The following RANBP2 variants were observed in gnomAD, a reference collection of about 807,000 sequenced individuals.
RANBP2 encodes the protein E3 SUMO-protein ligase RanBP2.
In RANBP2, 57 loss-of-function variants were observed where a neutral mutation model predicts 303.6. That is an observed-to-expected ratio of 0.19 (90% CI 0.15 to 0.23). RANBP2 has a LOEUF of 0.23. RANBP2 is among the 10% of genes least tolerant of loss of function. The probability of loss-of-function intolerance (pLI) is 1.00; values close to 1 mark genes in which losing one functional copy is unlikely to be tolerated. For missense variants in RANBP2, 3,138 were observed against 3,780.8 expected (o/e 0.83, Z 4.46); for synonymous variants, 1,167 against 1,301.5 (o/e 0.90, Z 2.23).
the RANBP2 span, among the ~76,000 whole-genome samples, chr2:109,010,198 C>T: frequency 7.0e-4 from 106 of 152,174 alleles, 1 homozygote; most frequent in Admixed American, 6.5e-3. Context: ...ACTTTTTAGC[C>T]GATGATTATG....
intron 1 of RANBP2, 143 bp downstream of exon 1, chr2:108,719,821 G>T (rs1694070711): frequency 6.9e-7 from 1 of 1,447,934 alleles, no homozygotes; most frequent in Admixed American, 2.8e-5. Context: ...CCTGTGGGCG[G>T]CGTGGCGCTT....
chr2:109,654,796 G>A, the RANBP2 span, among the ~76,000 whole-genome samples: 1 of 152,164 alleles, frequency 6.6e-6, no homozygotes, highest in African/African-American at 2.4e-5. Flanking sequence ...TAGGAATGGG[G>A]CACACAGTTT....
the RANBP2 span, chr2:109,419,695 G>T: frequency 6.6e-7 from 1 of 1,518,448 alleles, no homozygotes; most frequent in East Asian, 2.4e-5. Flanking sequence ...CCTCCCTCCT[G>T]CCTGGGCTGA....
chr2:109,610,567 T>C, the RANBP2 span, among the ~76,000 whole-genome samples: 2 of 152,028 alleles, frequency 1.3e-5, no homozygotes, highest in Non-Finnish European at 2.9e-5. Context: ...ATACAAAAAA[T>C]TAGCCGGGCG....
chr2:109,569,952 A>C, the RANBP2 span, among the ~76,000 whole-genome samples: 1 of 152,014 alleles, frequency 6.6e-6, no homozygotes, highest in African/African-American at 2.4e-5. Flanking sequence ...TGAGGTCAGC[A>C]AGGACACCAC....
Position 108,749,069 on chromosome 2 carries a change from G to A in RANBP2, c.1213G>A (p.Asp405Asn), listed in dbSNP as rs750123699. Residue 405 changes from aspartate to asparagine, a missense_variant, in exon 9 of 29, where the codon GAT becomes AAT. Coordinates refer to ENST00000283195, the MANE Select transcript of RANBP2 (RefSeq NM_006267.5). ...GGATACATCTTTTCTTGGTAGCGAT[G>A]ATATTGGAAACATTGATGTACGAGA... ...PKDTSFLGSD[D>N]IGNIDVREPE... 2.5e-6 allele frequency: 4 copies of A among 1,611,818 alleles called. No individual in the cohort carries two copies. In the African/African-American group the frequency reaches 4.0e-5, roughly 16 times the overall value.
chr2:109,017,018 G>A, the RANBP2 span, among the ~76,000 whole-genome samples: 2 of 152,236 alleles, frequency 1.3e-5, no homozygotes, highest in South Asian at 4.1e-4. Flanking sequence ...TTTGCTCCCT[G>A]CCTCCCATGC....
chr2:109,607,227 A>G, the RANBP2 span, among the ~76,000 whole-genome samples: 1 of 152,220 alleles, frequency 6.6e-6, no homozygotes. Context: ...AGCTGCTTGG[A>G]GTAAGACTAC....
At chr2:109,450,219 G>A in the RANBP2 span, among the ~76,000 whole-genome samples, 8 of 152,072 alleles carry the variant, frequency 5.3e-5, no homozygotes, top group Non-Finnish European at 1.0e-4. Flanking sequence ...GGTGGCGTGC[G>A]CCTGTAATCC....
chr2:108,820,761 G>A, the RANBP2 span, among the ~76,000 whole-genome samples: 10 of 147,004 alleles, frequency 6.8e-5, no homozygotes, highest in South Asian at 2.2e-4. Context: ...CAGCTAAACC[G>A]TCCTTAAGAC....
At chr2:109,346,461 C>T in the RANBP2 span, among the ~76,000 whole-genome samples, 47 of 152,242 alleles carry the variant, frequency 3.1e-4, no homozygotes, top group Non-Finnish European at 4.4e-4. Context: ...TGAGAAAATG[C>T]GGCTTCTGGT....
chr2:109,261,557 A>C, the RANBP2 span, among the ~76,000 whole-genome samples: 2 of 152,134 alleles, frequency 1.3e-5, no homozygotes, highest in Non-Finnish European at 2.9e-5. Flanking sequence ...GACAAACACA[A>C]ACAAGTGCAT....
At chr2:108,727,603 A>ATTT (rs34554578) in intron 1 of RANBP2, among the ~76,000 whole-genome samples, 1 of 119,724 alleles carries the variant, frequency 8.4e-6, no homozygotes, top group African/African-American at 3.6e-5. Flanking sequence ...TTGTATCAGC[A>ATTT]TTTTTTTTTT....
chr2:109,523,209 C>T, the RANBP2 span, among the ~76,000 whole-genome samples: 1 of 152,124 alleles, frequency 6.6e-6, no homozygotes, highest in Non-Finnish European at 1.5e-5. Flanking sequence ...TCCTCCAGGA[C>T]CGCTATGTCA....
the RANBP2 span, among the ~76,000 whole-genome samples, chr2:109,318,304 C>A: frequency 3.9e-5 from 6 of 152,170 alleles, no homozygotes; most frequent in South Asian, 1.2e-3. Flanking sequence ...CTCCTCCTAG[C>A]GTGACTGGCT....
chr2:109,267,164 C>A, the RANBP2 span, among the ~76,000 whole-genome samples: 1 of 152,192 alleles, frequency 6.6e-6, no homozygotes, highest in South Asian at 2.1e-4. Flanking sequence ...TGCTTCCGAT[C>A]GGTGATTTCC....
At chr2:108,969,733 G>A in the RANBP2 span, among the ~76,000 whole-genome samples, 1 of 152,240 alleles carries the variant, frequency 6.6e-6, no homozygotes, top group African/African-American at 2.4e-5. Context: ...AGTGAAAGGA[G>A]TGTGAGCTGC....
chr2:109,684,637 G>A, the RANBP2 span, among the ~76,000 whole-genome samples: 12 of 150,714 alleles, frequency 8.0e-5, no homozygotes, highest in African/African-American at 2.7e-4. Flanking sequence ...GGGTTCCAGT[G>A]ATTCTCCTGC....
chr2:108,753,774 A>C (rs762367165), intron 14 of RANBP2, 51 bp from the exon 15 acceptor site: 1 of 1,611,554 alleles, frequency 6.2e-7, no homozygotes, highest in Admixed American at 1.7e-5. Context: ...CCAAGCTAAA[A>C]GTTTTTTGTT....
Sources: gnomAD v4.1 joint callset for allele counts (sites outside exome capture counted in the v4.1 genomes callset) on GRCh38, gnomAD v4.1.1 for gene constraint, MANE v1.5 for transcripts, NCBI Gene and HGNC (gene_info 2026-07-23, HGNC 2026-07-21) for gene names.